Variants in PTPRM observed in about 807,000 individuals in gnomAD.
PTPRM encodes the protein receptor-type tyrosine-protein phosphatase mu.
In PTPRM, 47 loss-of-function variants were observed where a neutral mutation model predicts 186.7. The observed-to-expected ratio is 0.25, with a 90% CI of 0.20 to 0.32. The LOEUF (loss-of-function observed/expected upper bound fraction) is 0.32. Among genes scored for constraint, PTPRM ranks in the 10% least tolerant of loss-of-function variants. The pLI, the probability that PTPRM is intolerant of heterozygous loss-of-function variation, is 1.00. For synonymous variants in PTPRM, 668 were observed against 674.9 expected (o/e 0.99, Z 0.16); for missense variants, 1,494 against 1,865.0 (o/e 0.80, Z 3.66).
At chr18:8,233,428 A>T (rs2094310446) in intron 14 of PTPRM, among the ~76,000 whole-genome samples, 1 of 152,218 alleles carries the variant, frequency 6.6e-6, no homozygotes. Context: ...GGTGCAGAGC[A>T]TCTTTTTATA....
chr18:7,773,570 G>GTTTTTTTTTTTTTTTTTTTTTT (rs10708698), intron 1 of PTPRM, among the ~76,000 whole-genome samples: 2 of 129,096 alleles, frequency 1.5e-5, no homozygotes, highest in Non-Finnish European at 3.3e-5. Context: ...TCTTTTCTTT[G>GTTTTTTTTTTTTTTTTTTTTTT]TTTTTTTTTT....
intron 22 of PTPRM, among the ~76,000 whole-genome samples, chr18:8,342,793 A>G (rs957324396): frequency 1.2e-4 from 18 of 152,150 alleles, no homozygotes; most frequent in African/African-American, 4.3e-4. Flanking sequence ...CAGCCATAGG[A>G]AAGAGCTTTT....
chr18:8,090,678 C>G (rs975530178), intron 11 of PTPRM, among the ~76,000 whole-genome samples: 1 of 152,194 alleles, frequency 6.6e-6, no homozygotes, highest in African/African-American at 2.4e-5. Context: ...TCACTGCAGC[C>G]TCTGCCTCCC....
rs142432286 is a variant in PTPRM, at chr18:8,175,944, G to A, written c.2300+32165G>A. 1.2e-3 allele frequency among the ~76,000 whole-genome samples: 178 copies of A among 152,212 alleles called. 1 individual carries two copies. The highest frequency in any genetic ancestry group is 2.0e-3 in the Non-Finnish European group (133 of 68,010). ...CTGACTTGCTTCTCATTCCTTAGAC[G>A]CTGAAGCCTAAAGAACAAGCATGTG... On this transcript the variant is annotated intron_variant, in intron 14 of 32. Coordinates refer to ENST00000580170, the MANE Select transcript of PTPRM (RefSeq NM_001105244.2).
At chr18:8,029,187 T>C (rs1240959737) in intron 7 of PTPRM, among the ~76,000 whole-genome samples, 1 of 151,614 alleles carries the variant, frequency 6.6e-6, no homozygotes, top group African/African-American at 2.4e-5. Flanking sequence ...CTGTCCTGCC[T>C]GGAGTGCCTC....
At chr18:7,637,941 TATTA>T (rs908242684) in intron 1 of PTPRM, among the ~76,000 whole-genome samples, 1 of 152,246 alleles carries the variant, frequency 6.6e-6, no homozygotes, top group African/African-American at 2.4e-5. Context: ...GGGGTTTTGG[TATTA>T]ATTTAAGCAT....
At chr18:8,269,080 A>C (rs1445331798) in intron 19 of PTPRM, among the ~76,000 whole-genome samples, 1 of 152,076 alleles carries the variant, frequency 6.6e-6, no homozygotes, top group Non-Finnish European at 1.5e-5. Context: ...AGGCAAGAAC[A>C]AGACATTAAA....
intron 31 of PTPRM, among the ~76,000 whole-genome samples, chr18:8,390,948 A>G (rs1401960520): frequency 7.5e-6 from 1 of 133,962 alleles, no homozygotes; most frequent in Non-Finnish European, 1.5e-5. Context: ...TAATAATAAT[A>G]ATAATAATAA....
chr18:8,045,964 C>T (rs1486424279), intron 7 of PTPRM, among the ~76,000 whole-genome samples: 1 of 152,160 alleles, frequency 6.6e-6, no homozygotes, highest in African/African-American at 2.4e-5. Flanking sequence ...CGTGTCTCCA[C>T]CCAAAATCTC....
At chr18:7,867,475 A>G (rs749013380) in intron 2 of PTPRM, among the ~76,000 whole-genome samples, 17 of 152,158 alleles carry the variant, frequency 1.1e-4, no homozygotes, top group Non-Finnish European at 2.1e-4. Context: ...TTGGGTGGAT[A>G]TGAAATTCTG....
At chr18:7,659,117 T>TACACACACACACACACAC (rs10541547) in intron 1 of PTPRM, among the ~76,000 whole-genome samples, 3 of 143,916 alleles carry the variant, frequency 2.1e-5, no homozygotes, top group African/African-American at 7.7e-5. Context: ...CACATGTATG[T>TACACACACACACACACAC]ACACACACAC....
chr18:7,836,106 A>G (rs2046035279), intron 2 of PTPRM, among the ~76,000 whole-genome samples: 1 of 152,064 alleles, frequency 6.6e-6, no homozygotes, highest in South Asian at 2.1e-4. Context: ...AATGTTATTG[A>G]TAAGTAAGGA....
At chr18:7,881,997 C>T (rs997125990) in intron 2 of PTPRM, among the ~76,000 whole-genome samples, 1 of 152,094 alleles carries the variant, frequency 6.6e-6, no homozygotes, top group African/African-American at 2.4e-5. Context: ...TTTTCCTCAT[C>T]TGCTGTTGAG....
intron 14 of PTPRM, among the ~76,000 whole-genome samples, chr18:8,170,665 G>A (rs938828652): frequency 1.3e-5 from 2 of 152,108 alleles, no homozygotes; most frequent in Non-Finnish European, 2.9e-5. Flanking sequence ...AACTCATTAA[G>A]GGAGCAAATT....
At chr18:8,227,652 A>G (rs1017815284) in intron 14 of PTPRM, among the ~76,000 whole-genome samples, 5 of 152,244 alleles carry the variant, frequency 3.3e-5, no homozygotes, top group African/African-American at 1.2e-4. Context: ...AACAAACATC[A>G]TCAAGAGGAA....
intron 1 of PTPRM, among the ~76,000 whole-genome samples, chr18:7,701,707 CTATTTTT>C (rs2039971023): frequency 6.6e-6 from 1 of 151,940 alleles, no homozygotes; most frequent in East Asian, 1.9e-4. Context: ...TTCCTACAGA[CTATTTTT>C]TATTATTATT....
chr18:8,083,963 C>T (rs1286244315), intron 9 of PTPRM, among the ~76,000 whole-genome samples: 2 of 151,934 alleles, frequency 1.3e-5, no homozygotes, highest in East Asian at 1.9e-4. Context: ...GGCTTTCTCT[C>T]GTATGCATTT....
chr18:7,802,019 A>C (rs1057192389), intron 2 of PTPRM, among the ~76,000 whole-genome samples: 15 of 152,248 alleles, frequency 9.9e-5, no homozygotes, highest in African/African-American at 3.6e-4. Context: ...TAGTGGAGAA[A>C]GTACATTTAG....
intron 7 of PTPRM, among the ~76,000 whole-genome samples, chr18:7,955,681 T>C (rs2053262294): frequency 6.6e-6 from 1 of 152,194 alleles, no homozygotes; most frequent in Admixed American, 6.5e-5. Context: ...ATTGTTCATA[T>C]AGGAATTGTC....
Sources: gnomAD v4.1 joint callset for allele counts (sites outside exome capture counted in the v4.1 genomes callset) on GRCh38, gnomAD v4.1.1 for gene constraint, MANE v1.5 for transcripts, NCBI Gene and HGNC (gene_info 2026-07-23, HGNC 2026-07-21) for gene names.